IL1RL2: variants seen among roughly 807,000 people sequenced by gnomAD.
IL1RL2 encodes interleukin 1 receptor like 2.
A neutral mutation model predicts 66.8 loss-of-function variants in IL1RL2; 68 were observed. That is an observed-to-expected ratio of 1.02 (90% CI 0.84 to 1.25). IL1RL2 has a LOEUF of 1.25. IL1RL2 is among the 50% of genes most tolerant of loss of function. The pLI, the probability that IL1RL2 is intolerant of heterozygous loss-of-function variation, is 0.00. For synonymous variants in IL1RL2, 305 were observed against 264.6 expected, an observed-to-expected ratio of 1.15 and a Z score of -1.48; for missense variants, 729 against 709.3, an observed-to-expected ratio of 1.03 and a Z score of -0.32.
In IL1RL2 at chr2:102,189,215, C is replaced by A. The variant is rs201829624; in HGVS notation, c.198C>A (p.Ser66=). The A allele has an allele frequency of 6.2e-7, 1 of 1,613,940 alleles. No individual in the cohort carries two copies. The highest frequency in any genetic ancestry group is 1.3e-5 in the African/African-American group (1 of 74,914). ...AAAATTCTAGCAAAATCCCAGTGTC[C>A]AAAATCATACAGTCTAGAATTCACC... ...WYKNSSKIPV[S]KIIQSRIHQD... is the part of the protein sequence containing the mutation. The change falls in exon 3 of 12, where the codon TCC becomes TCA. Residue 66 remains serine (S), a synonymous_variant. Coordinates refer to ENST00000264257, the MANE Select transcript of IL1RL2 (RefSeq NM_003854.4).
rs925195248 is a variant in IL1RL2, at chr2:102,193,489, A to G, written c.489+1369A>G. Among the ~76,000 whole-genome samples, 99 of 152,186 alleles carry G rather than the reference A, an allele frequency of 6.5e-4. 1 individual carries two copies. Among genetic ancestry groups the G allele is most frequent in the African/African-American group, 2.3e-3 (95 of 41,442 alleles). ...TGTGATCATGGCTCACTGCAGCCTA[A>G]TTCCTGGGCTCAAGTGGAAGCCCAG... On this transcript the variant is annotated intron_variant, in intron 4 of 11. Coordinates refer to ENST00000264257, the MANE Select transcript of IL1RL2 (RefSeq NM_003854.4).
chr2:102,208,646 A>G (rs572395803), intron 5 of IL1RL2, among the ~76,000 whole-genome samples: 77 of 152,118 alleles, frequency 5.1e-4, no homozygotes, highest in Non-Finnish European at 8.5e-4. Context: ...GTGGATCCCT[A>G]TGGGGATCTG....
chr2:102,236,188 C>T (rs1191607747), intron 11 of IL1RL2, among the ~76,000 whole-genome samples: 1 of 152,176 alleles, frequency 6.6e-6, no homozygotes, highest in Non-Finnish European at 1.5e-5. Context: ...AAGACCCTGG[C>T]CTGAGGGAAT....
chr2:102,231,564 G>GT (rs11410839), intron 9 of IL1RL2, among the ~76,000 whole-genome samples: 43,816 of 149,462 alleles, frequency 0.29, 7,851 homozygotes, highest in African/African-American at 0.49. Context: ...TTCATTGTGA[G>GT]TTTTTTTTTT....
chr2:102,201,316 C>G (rs1054641754), intron 4 of IL1RL2, among the ~76,000 whole-genome samples: 1 of 152,122 alleles, frequency 6.6e-6, no homozygotes, highest in Non-Finnish European at 1.5e-5. Flanking sequence ...TCTATATACA[C>G]ACACATGCAC....
intron 5 of IL1RL2, among the ~76,000 whole-genome samples, chr2:102,208,595 A>G (rs568184783): frequency 6.6e-6 from 1 of 152,100 alleles, no homozygotes; most frequent in Non-Finnish European, 1.5e-5. Flanking sequence ...TTTCCATCAC[A>G]CTTCAGAGTA....
intron 7 of IL1RL2, 52 bp downstream of exon 7, chr2:102,219,134 T>C (rs552725368): frequency 6.3e-7 from 1 of 1,598,526 alleles, no homozygotes; most frequent in African/African-American, 1.3e-5. Flanking sequence ...GATTTCTCCA[T>C]CTAAGTGAAT....
downstream of IL1RL2, among the ~76,000 whole-genome samples, chr2:102,242,640 C>T (rs1009941453): frequency 2.0e-5 from 3 of 152,274 alleles, no homozygotes; most frequent in East Asian, 1.9e-4. Context: ...CTATTCAGGC[C>T]TTGAAGGGAT....
chr2:102,223,362 T>G (rs1230036772), intron 8 of IL1RL2, among the ~76,000 whole-genome samples: 1 of 152,178 alleles, frequency 6.6e-6, no homozygotes, highest in Admixed American at 6.5e-5. Flanking sequence ...TCTAGAAGGT[T>G]GTTTAAATTG....
chr2:102,195,627 T>TCTC (rs1687670936), intron 4 of IL1RL2, among the ~76,000 whole-genome samples: 1 of 14,650 alleles, frequency 6.8e-5, no homozygotes, highest in African/African-American at 1.8e-4. Flanking sequence ...CTTTCTTTCT[T>TCTC]TCTCTCTCTC....
At position 102,219,905 on chromosome 2, in the gene IL1RL2, T is replaced by A; in HGVS notation, c.879T>A (p.His293Gln). The part of the protein sequence containing the change: ...GVETHVSFRE[H>Q]NLYTVNITFL... ...GAACCCATGTCTCTTTTCGGGAACATAATTTGTACACAGTAAACATCACCT... is the reference window on the plus strand; with the variant it reads ...GAACCCATGTCTCTTTTCGGGAACAAAATTTGTACACAGTAAACATCACCT... Residue 293 changes from histidine (H) to glutamine (Q), a missense_variant, in exon 8 of 12, where the codon CAT becomes CAA. Transcript: ENST00000264257. 1.2e-6 allele frequency: 2 copies of A among 1,612,840 alleles called. No individual in the cohort carries two copies. Among genetic ancestry groups the A allele is most frequent in the African/African-American group, 2.7e-5 (2 of 75,030 alleles).
At chr2:102,228,667 CAGTT>C (rs1312036234) in intron 9 of IL1RL2, among the ~76,000 whole-genome samples, 6 of 144,282 alleles carry the variant, frequency 4.2e-5, no homozygotes, top group Middle Eastern at 6.9e-3. Context: ...ACAAGCCAAA[CAGTT>C]AGAGTGATCA....
At chr2:102,221,434 C>T (rs923459086) in intron 8 of IL1RL2, among the ~76,000 whole-genome samples, 1 of 152,154 alleles carries the variant, frequency 6.6e-6, no homozygotes, top group Non-Finnish European at 1.5e-5. Flanking sequence ...GATACACTGG[C>T]TGATGTCAGA....
At chr2:102,195,618 TTTCTTTC>T (rs1687660617) in intron 4 of IL1RL2, among the ~76,000 whole-genome samples, 2 of 16,370 alleles carry the variant, frequency 1.2e-4, no homozygotes, top group African/African-American at 3.4e-4. Context: ...TCTTTCTTTC[TTTCTTTC>T]TTTCTCTCTC....
chr2:102,223,374 G>C (rs1690313485), intron 8 of IL1RL2, among the ~76,000 whole-genome samples: 1 of 152,128 alleles, frequency 6.6e-6, no homozygotes, highest in Non-Finnish European at 1.5e-5. Context: ...TTTAAATTGG[G>C]TGTGCTCTTC....
intron 4 of IL1RL2, among the ~76,000 whole-genome samples, chr2:102,201,338 C>G (rs918375082): frequency 3.3e-5 from 5 of 151,806 alleles, no homozygotes; most frequent in African/African-American, 1.2e-4. Context: ...TATATATGTA[C>G]ACACACACAC....
At chr2:102,232,920 T>G in intron 9 of IL1RL2, 43 bp from the exon 10 acceptor site, 1 of 1,581,088 alleles carries the variant, frequency 6.3e-7, no homozygotes, top group Non-Finnish European at 8.7e-7. Flanking sequence ...CATGAGAGAA[T>G]TTGGTAGCAA....
At chr2:102,220,065 G>A (rs1689966646) in intron 8 of IL1RL2, 48 bp downstream of exon 8, 2 of 1,504,898 alleles carry the variant, frequency 1.3e-6, no homozygotes, top group Admixed American at 3.5e-5. Context: ...CAAAACGATG[G>A]CCAGGAAACA....
In IL1RL2 at chr2:102,233,136, G is replaced by A. The variant is rs765487065; in HGVS notation, c.1297+12G>A. 6.2e-7 allele frequency: 1 copy of A among 1,600,488 alleles called. No homozygotes were observed. The highest frequency in any genetic ancestry group is 1.1e-5 in the South Asian group (1 of 90,556). On this transcript the variant is annotated intron_variant, in intron 10 of 11. Transcript: ENST00000264257. ...ATTCCCTGGACAAGGTGGGTTTTAA[G>A]TGAGGTGTAAAAATAACAAATAAAA...
Sources: gnomAD v4.1 joint callset for allele counts (sites outside exome capture counted in the v4.1 genomes callset) on GRCh38, gnomAD v4.1.1 for gene constraint, MANE v1.5 for transcripts, NCBI Gene and HGNC (gene_info 2026-07-23, HGNC 2026-07-21) for gene names.